The following STK32B variants were observed in gnomAD, a reference collection of about 807,000 sequenced individuals.
The protein encoded by STK32B is serine/threonine-protein kinase 32B.
Under a neutral mutation model 52.6 loss-of-function variants are expected in STK32B, and 43 were observed. That is an observed-to-expected ratio of 0.82 (90% confidence interval 0.64 to 1.05). The LOEUF (loss-of-function observed/expected upper bound fraction) is 1.05, where lower values mean the gene tolerates loss of function less well. Ranked by LOEUF, STK32B falls within the 50% of genes least tolerant of loss-of-function variation. The pLI, the probability that STK32B is intolerant of heterozygous loss-of-function variation, is 0.00. For missense variants in STK32B, 621 were observed against 534.6 expected, an observed-to-expected ratio of 1.16 and a Z score of -1.59; for synonymous variants, 238 against 204.3, an observed-to-expected ratio of 1.17 and a Z score of -1.41.
At chr4:5,412,373 C>T (rs1223994892) in intron 5 of STK32B, among the ~76,000 whole-genome samples, 2 of 152,158 alleles carry the variant, frequency 1.3e-5, no homozygotes, top group African/African-American at 2.4e-5. Flanking sequence ...TAGATGAGGC[C>T]CACTGGGAAG....
At chr4:5,210,983 TG>T (rs1460335525) in intron 3 of STK32B, among the ~76,000 whole-genome samples, 1 of 151,832 alleles carries the variant, frequency 6.6e-6, no homozygotes, top group Non-Finnish European at 1.5e-5. Context: ...TGTGTAGAGA[TG>T]GGGTCTAACT....
rs554212263 is a variant in STK32B, at chr4:5,058,376, G to A, written c.52+6461G>A. Among the ~76,000 whole-genome samples, 15 of 152,248 alleles carry A rather than the reference G, an allele frequency of 9.9e-5. No individual in the cohort carries two copies. The South Asian group carries it at 2.9e-3, about 29-fold the overall frequency. On this transcript the variant is annotated intron_variant, in intron 1 of 11. Coordinates refer to ENST00000282908, the MANE Select transcript of STK32B (RefSeq NM_018401.3). The surrounding 1 kb of genome is among the most constrained non-coding windows in gnomAD (Gnocchi z 4.8). Reference sequence around the variant, plus strand: ...TATGTCACATCTTGGAGAAAGTATTGAAGACCTAGTGAGTGTCACTTTATA... The same window carrying A: ...TATGTCACATCTTGGAGAAAGTATTAAAGACCTAGTGAGTGTCACTTTATA...
the STK32B span, among the ~76,000 whole-genome samples, chr4:5,036,659 A>ATTTTTTTTTTTT: frequency 1.3e-5 from 1 of 74,204 alleles, no homozygotes; most frequent in Non-Finnish European, 2.4e-5. Context: ...GCAAGGGTGG[A>ATTTTTTTTTTTT]TTTTTTTTTT....
intron 3 of STK32B, among the ~76,000 whole-genome samples, chr4:5,215,452 G>A (rs1341676302): frequency 7.9e-5 from 12 of 152,122 alleles, no homozygotes; most frequent in African/African-American, 1.9e-4. Flanking sequence ...GAGGGTAAAC[G>A]CAGAAGGGGC....
intron 3 of STK32B, among the ~76,000 whole-genome samples, chr4:5,319,192 C>A (rs1385116393): frequency 6.6e-6 from 1 of 152,140 alleles, no homozygotes; most frequent in African/African-American, 2.4e-5. Context: ...ATCTTTGAAA[C>A]ACCAGGACGT....
At chr4:5,059,678 A>G (rs1000740126) in intron 1 of STK32B, among the ~76,000 whole-genome samples, 20 of 152,272 alleles carry the variant, frequency 1.3e-4, no homozygotes, top group African/African-American at 4.6e-4. Flanking sequence ...AAAATACTCT[A>G]TAAAAGCACA....
intron 4 of STK32B, among the ~76,000 whole-genome samples, chr4:5,356,531 G>A (rs373148253): frequency 6.6e-6 from 1 of 152,152 alleles, no homozygotes; most frequent in Non-Finnish European, 1.5e-5. Flanking sequence ...GAAGAGCTGG[G>A]TGGACCCCTC....
rs553342041 is a variant in STK32B at position 5,467,332 on chromosome 4, G to A, written c.1041+498G>A. On this transcript the variant is annotated intron_variant, in intron 10 of 11. Transcript: ENST00000282908. The surrounding 1 kb of genome is among the most constrained non-coding windows in gnomAD (Gnocchi z 5.8). ...CTCCAAAGGCTATAGGGGAGGGGCCGTCCTTGGCTCCCCAGGCTTCGAGTG... is the reference window on the plus strand; with the variant it reads ...CTCCAAAGGCTATAGGGGAGGGGCCATCCTTGGCTCCCCAGGCTTCGAGTG... Among the ~76,000 whole-genome samples, 15 of 152,296 alleles carry A rather than the reference G, an allele frequency of 9.8e-5. No individual in the cohort carries two copies. Among genetic ancestry groups the A allele is most frequent in the Admixed American group, 7.2e-4 (11 of 15,306 alleles).
intron 11 of STK32B, among the ~76,000 whole-genome samples, chr4:5,478,533 A>G (rs1364206821): frequency 1.3e-5 from 2 of 152,212 alleles, no homozygotes; most frequent in African/African-American, 4.8e-5. Flanking sequence ...TAATCTCCCA[A>G]TAACTGTTGA....
intron 9 of STK32B, among the ~76,000 whole-genome samples, chr4:5,462,896 C>A (rs1717146627): frequency 6.6e-6 from 1 of 152,188 alleles, no homozygotes; most frequent in Non-Finnish European, 1.5e-5. Flanking sequence ...GAGCCATAAG[C>A]CAATAAACCT....
rs1458497072 is a variant in STK32B, at chr4:5,332,849, T to C, written c.434+1456T>C. Among the ~76,000 whole-genome samples, 3 of 152,358 alleles carry C rather than the reference T, an allele frequency of 2.0e-5. No homozygotes were observed. The East Asian group carries it at 5.8e-4, about 29-fold the overall frequency. On this transcript the variant is annotated intron_variant, in intron 4 of 11. Coordinates refer to ENST00000282908, the MANE Select transcript of STK32B (RefSeq NM_018401.3). ...CTCATCATTTTTTATGGCTGCATAG[T>C]ATTCCATGGTGTATATGTGCCACAT...
chr4:5,037,990 C>T, the STK32B span, among the ~76,000 whole-genome samples: 5 of 152,102 alleles, frequency 3.3e-5, no homozygotes, highest in African/African-American at 1.2e-4. Flanking sequence ...CTAAGACCTC[C>T]CCACCCGTCC....
At chr4:5,155,890 T>A (rs550292500) in intron 2 of STK32B, among the ~76,000 whole-genome samples, 9 of 152,072 alleles carry the variant, frequency 5.9e-5, no homozygotes, top group African/African-American at 2.2e-4. Context: ...CAGACTAATA[T>A]ACCCACTAAA....
chr4:5,491,035 C>T (rs926173203), intron 11 of STK32B, among the ~76,000 whole-genome samples: 3 of 152,158 alleles, frequency 2.0e-5, no homozygotes, highest in African/African-American at 2.4e-5. Context: ...AATAAACAGA[C>T]GTGTGCATGT....
At chr4:5,072,698 A>T (rs894458868) in intron 1 of STK32B, among the ~76,000 whole-genome samples, 5 of 152,158 alleles carry the variant, frequency 3.3e-5, no homozygotes, top group African/African-American at 1.2e-4. Flanking sequence ...CTTGAAAGGA[A>T]TATATATCCT....
chr4:5,107,709 G>T (rs1033964579), intron 1 of STK32B, among the ~76,000 whole-genome samples: 1 of 152,176 alleles, frequency 6.6e-6, no homozygotes, highest in Non-Finnish European at 1.5e-5. Context: ...ATTCATTCCA[G>T]AATGGCAGAA....
intron 1 of STK32B, among the ~76,000 whole-genome samples, chr4:5,122,886 G>A (rs563211331): frequency 1.3e-5 from 2 of 152,010 alleles, no homozygotes; most frequent in Non-Finnish European, 2.9e-5. Context: ...CTCTGCCTGA[G>A]TCCCTTCTCC....
chr4:5,311,127 C>A (rs918286792), intron 3 of STK32B, among the ~76,000 whole-genome samples: 14 of 152,032 alleles, frequency 9.2e-5, no homozygotes, highest in African/African-American at 3.1e-4. Flanking sequence ...GAAATAAGTC[C>A]TATGTAGATG....
At position 5,246,773 on chromosome 4, in the gene STK32B, T is replaced by G. The variant is rs536460111; in HGVS notation, c.260+78323T>G. Reference sequence around the variant, plus strand: ...TTTGGTGTGGATGTCCTTTCTGTTTTTTAGTTTTCCTTCTAACAGTCAGGA... The same window carrying G: ...TTTGGTGTGGATGTCCTTTCTGTTTGTTAGTTTTCCTTCTAACAGTCAGGA... On this transcript the variant is annotated intron_variant, in intron 3 of 11. Transcript: ENST00000282908. Among the ~76,000 whole-genome samples, 1,062 of 152,288 alleles carry G rather than the reference T, an allele frequency of 7.0e-3. 7 individuals carry two copies. The highest frequency in any genetic ancestry group is 0.011 in the Non-Finnish European group (771 of 68,016).
Sources: gnomAD v4.1 joint callset for allele counts (sites outside exome capture counted in the v4.1 genomes callset) on GRCh38, gnomAD v4.1.1 for gene constraint, Gnocchi (gnomAD v3.1) non-coding constraint, MANE v1.5 for transcripts, NCBI Gene and HGNC (gene_info 2026-07-23, HGNC 2026-07-21) for gene names.